CCDC181: variants seen among roughly 807,000 people sequenced by gnomAD.
CCDC181 encodes the protein coiled-coil domain containing 181.
CCDC181 carries 35 observed loss-of-function variants against 58.7 expected under a neutral mutation model. The ratio of observed to expected loss-of-function variants is 0.60; its 90% CI spans 0.46 to 0.79. CCDC181 has a LOEUF of 0.79. CCDC181 is among the 30% of genes least tolerant of loss of function. The probability of loss-of-function intolerance (pLI) is 0.00; values close to 1 mark genes in which losing one functional copy is unlikely to be tolerated. For synonymous variants in CCDC181, 183 were observed against 197.5 expected, an observed-to-expected ratio of 0.93 and a Z score of 0.62; for missense variants, 517 against 583.9, an observed-to-expected ratio of 0.89 and a Z score of 1.18.
intron 2 of CCDC181, among the ~76,000 whole-genome samples, chr1:169,439,498 C>T (rs1288473139): frequency 6.6e-6 from 1 of 152,198 alleles, no homozygotes. Context: ...CCACTGCGCT[C>T]AAATACCTTA....
chr1:169,445,579 G>T (rs960658889), intron 2 of CCDC181, among the ~76,000 whole-genome samples: 1 of 152,140 alleles, frequency 6.6e-6, no homozygotes, highest in Non-Finnish European at 1.5e-5. Context: ...GTTCATGAGA[G>T]ATCAGAGTCT....
intron 2 of CCDC181, chr1:169,451,120 C>A (rs1332880510): frequency 1.3e-5 from 2 of 152,038 alleles, no homozygotes; most frequent in Non-Finnish European, 2.9e-5. Flanking sequence ...ATGTGGAAGT[C>A]CAATTCTCTT....
chr1:169,446,459 G>A (rs1309003331), intron 2 of CCDC181, among the ~76,000 whole-genome samples: 1 of 151,880 alleles, frequency 6.6e-6, no homozygotes, highest in Non-Finnish European at 1.5e-5. Context: ...AAATTAATAA[G>A]TAAATAAATT....
At chr1:169,405,197 A>G (rs1463123747) in intron 4 of CCDC181, among the ~76,000 whole-genome samples, 1 of 152,248 alleles carries the variant, frequency 6.6e-6, no homozygotes, top group African/African-American at 2.4e-5. Flanking sequence ...GTTCATAGAT[A>G]GTAAGAATCA....
At chr1:169,417,458 T>TG (rs1420816419) in intron 4 of CCDC181, among the ~76,000 whole-genome samples, 1 of 152,182 alleles carries the variant, frequency 6.6e-6, no homozygotes, top group Non-Finnish European at 1.5e-5. Context: ...GCAAAGTATT[T>TG]GGGAAGGGGT....
At chr1:169,447,009 A>G (rs1343746794) in intron 2 of CCDC181, among the ~76,000 whole-genome samples, 1 of 152,124 alleles carries the variant, frequency 6.6e-6, no homozygotes, top group Non-Finnish European at 1.5e-5. Context: ...TTAATCTCCA[A>G]ATATTTGGAG....
intron 4 of CCDC181, among the ~76,000 whole-genome samples, chr1:169,409,290 G>A (rs1017411214): frequency 6.6e-6 from 1 of 152,186 alleles, no homozygotes; most frequent in Admixed American, 6.5e-5. Context: ...AAGGATATCA[G>A]AGATTGAAGA....
chr1:169,459,727 A>G (rs1356992106), intron 2 of CCDC181: 1 of 152,018 alleles, frequency 6.6e-6, no homozygotes, highest in African/African-American at 2.4e-5. Flanking sequence ...TTAGTCAAGC[A>G]TAAGACACAA....
intron 4 of CCDC181, among the ~76,000 whole-genome samples, chr1:169,400,153 T>C (rs1388721145): frequency 6.6e-6 from 1 of 152,196 alleles, no homozygotes; most frequent in African/African-American, 2.4e-5. Flanking sequence ...AATCCAACTA[T>C]AGTGGGAATA....
At position 169,395,090 on chromosome 1, in the gene CCDC181, A is replaced by T; in HGVS notation, c.1487T>A (p.Met496Lys). The part of the protein sequence containing the change: ...RSKQLQHHLY[M>K]SEAKPFRFTD... The stretch of plus-strand genomic sequence containing the variant: ...AAAACGAAAAGGTTTGGCTTCTGAC[A>T]TATATAGGTGGTGCTGTAACTGTTT... The change falls in exon 6 of 6, where the codon ATG becomes AAG. Residue 496 changes from methionine (M) to lysine (K), a missense_variant. Transcript: ENST00000367806. 6.2e-7 allele frequency: 1 copy of T among 1,612,200 alleles called. No individual in the cohort carries two copies.
chr1:169,422,091 C>A lies in CCDC181; in HGVS notation c.340G>T (p.Asp114Tyr), dbSNP rs770356856. 1 of 1,613,458 alleles carries A rather than the reference C, an allele frequency of 6.2e-7. No homozygotes were observed. Among genetic ancestry groups the A allele is most frequent in the East Asian group, 2.2e-5 (1 of 44,844 alleles). The change falls in exon 3 of 6, where the codon GAC becomes TAC. Residue 114 changes from aspartate (D) to tyrosine (Y), a missense_variant. Coordinates refer to ENST00000367806, the MANE Select transcript of CCDC181 (RefSeq NM_001300969.2). Reference sequence around the variant, plus strand: ...TCCTCATCCTCTTCCTCCTCCAAGTCTTTCTGGCTTTCTAGTTTGGATTCC... The same window carrying A: ...TCCTCATCCTCTTCCTCCTCCAAGTATTTCTGGCTTTCTAGTTTGGATTCC... ...FQESKLESQK[D>Y]LEEEEDEEVR... is the part of the protein sequence containing the mutation.
intron 4 of CCDC181, among the ~76,000 whole-genome samples, chr1:169,399,632 GATTAA>G (rs1655230889): frequency 6.6e-6 from 1 of 152,094 alleles, no homozygotes; most frequent in African/African-American, 2.4e-5. Context: ...ATTAGTAATG[GATTAA>G]ATTATCTGAT....
rs552652070 is a variant in CCDC181 at position 169,419,153 on chromosome 1, G to A, written c.1075C>T (p.Arg359Ter). The A allele has an allele frequency of 1.1e-5, 18 of 1,585,126 alleles. No homozygotes were observed. The highest frequency in any genetic ancestry group is 6.7e-5 in the East Asian group (3 of 44,506). Residue 359 changes from arginine to a stop codon, truncating the protein, a stop_gained, in exon 4 of 6, where the codon CGA becomes TGA. Transcript: ENST00000367806. LOFTEE classifies it high-confidence loss of function. ...TCTTTCTCTTCTTCTATTTTTCGTCGCTCTTCCTAGTAAAAGAATATGAAA... is the reference window on the plus strand; with the variant it reads ...TCTTTCTCTTCTTCTATTTTTCGTCACTCTTCCTAGTAAAAGAATATGAAA... ...KREKLKREEE[R>*]RKIEEEKEKK...
chr1:169,395,158 G>A lies in CCDC181; in HGVS notation c.1419C>T (p.Val473=). 6.2e-7 allele frequency: 1 copy of A among 1,613,108 alleles called. No individual in the cohort carries two copies. The highest frequency in any genetic ancestry group is 8.5e-7 in the Non-Finnish European group (1 of 1,179,664). Residue 473 remains valine (V), a synonymous_variant, in exon 6 of 6, where the codon GTC becomes GTT. Transcript: ENST00000367806. ...RMEKMAEQQA[V]RERTRQLRLE... ...GTCGGAGCTGTCTAGTTCTCTCTCT[G>A]ACAGCTTGTTGCTCTGCCATTTTTT...
intron 4 of CCDC181, among the ~76,000 whole-genome samples, chr1:169,413,473 C>G (rs1212308673): frequency 6.6e-6 from 1 of 152,040 alleles, no homozygotes; most frequent in African/African-American, 2.4e-5. Context: ...TTCCTCAAGG[C>G]TCTAGAACCA....
intron 4 of CCDC181, among the ~76,000 whole-genome samples, chr1:169,412,681 G>A (rs1656033152): frequency 6.6e-6 from 1 of 152,100 alleles, no homozygotes; most frequent in Non-Finnish European, 1.5e-5. Flanking sequence ...CAGATATATA[G>A]ACCAGTGGAA....
At chr1:169,431,452 A>C (rs557785128), upstream of CCDC181, among the ~76,000 whole-genome samples, 8 of 152,252 alleles carry the variant, frequency 5.3e-5, no homozygotes, top group Non-Finnish European at 1.0e-4. Context: ...TGCAATAAAA[A>C]TAAATGAAGT....
intron 5 of CCDC181, chr1:169,396,564 A>C (rs544397587): frequency 6.6e-6 from 1 of 152,218 alleles, no homozygotes; most frequent in African/African-American, 2.4e-5. Context: ...AGGAAGAGAA[A>C]AAAGAAGGAA....
chr1:169,399,155 G>A (rs571295363), intron 4 of CCDC181, among the ~76,000 whole-genome samples: 1 of 152,300 alleles, frequency 6.6e-6, no homozygotes, highest in Admixed American at 6.5e-5. Flanking sequence ...CTGAGCATAA[G>A]TGACACAGTT....
Sources: allele counts gnomAD v4.1 joint callset (sites outside exome capture counted in the v4.1 genomes callset), GRCh38; gene constraint gnomAD v4.1.1; transcripts MANE v1.5; gene names NCBI Gene and HGNC (gene_info 2026-07-23, HGNC 2026-07-21).